The following GMDS variants were observed in gnomAD, a reference collection of about 807,000 sequenced individuals.
The protein encoded by GMDS is GDP-mannose 4,6-dehydratase.
GMDS carries 20 observed loss-of-function variants against 49.9 expected under a neutral mutation model. The observed-to-expected ratio is 0.40, with a 90% confidence interval of 0.28 to 0.58. The LOEUF is 0.58. Ranked by LOEUF, GMDS falls within the 20% of genes least tolerant of loss-of-function variation. The probability of loss-of-function intolerance (pLI) is 0.42; values close to 1 mark genes in which losing one functional copy is unlikely to be tolerated. For missense variants in GMDS, 362 were observed against 481.4 expected (o/e 0.75, Z 2.32); for synonymous variants, 177 against 178.6 (o/e 0.99, Z 0.07).
At chr6:2,157,760 G>C (rs1777180217) in intron 1 of GMDS, among the ~76,000 whole-genome samples, 5 of 152,172 alleles carry the variant, frequency 3.3e-5, no homozygotes, top group Admixed American at 3.3e-4. Flanking sequence ...TTGTGAAAGA[G>C]AGCCACAGGA....
intron 1 of GMDS, among the ~76,000 whole-genome samples, chr6:2,193,916 G>A (rs1289599352): frequency 6.6e-6 from 1 of 151,624 alleles, no homozygotes; most frequent in Non-Finnish European, 1.5e-5. Flanking sequence ...GTAGAGATGG[G>A]GTTTCACCAT....
intron 4 of GMDS, among the ~76,000 whole-genome samples, chr6:1,989,298 T>C (rs1765773428): frequency 6.6e-6 from 1 of 152,026 alleles, no homozygotes; most frequent in African/African-American, 2.4e-5. Context: ...AGCAGAGAGT[T>C]GGTAAAAAGG....
chr6:1,733,373 G>C (rs1766888663), intron 8 of GMDS, among the ~76,000 whole-genome samples: 1 of 152,244 alleles, frequency 6.6e-6, no homozygotes, highest in Non-Finnish European at 1.5e-5. Flanking sequence ...CTTGGATAGG[G>C]TGTCGGGAGC....
chr6:2,059,455 TC>T (rs1393834554), intron 4 of GMDS, among the ~76,000 whole-genome samples: 1 of 151,280 alleles, frequency 6.6e-6, no homozygotes, highest in Non-Finnish European at 1.5e-5. Context: ...ACGCCTGTAA[TC>T]CCAGCACTTT....
chr6:2,194,576 CATT>C (rs1373545749), intron 1 of GMDS, among the ~76,000 whole-genome samples: 3 of 152,150 alleles, frequency 2.0e-5, no homozygotes, highest in African/African-American at 7.2e-5. Context: ...ATTTCTTTAT[CATT>C]ATAACAAATT....
chr6:2,199,383 A>G (rs1779407150), intron 1 of GMDS, among the ~76,000 whole-genome samples: 2 of 152,232 alleles, frequency 1.3e-5, no homozygotes, highest in African/African-American at 2.4e-5. Flanking sequence ...ATAAAATACA[A>G]ATCAAATGTC....
At chr6:1,992,559 T>G (rs975712099) in intron 4 of GMDS, among the ~76,000 whole-genome samples, 2 of 152,230 alleles carry the variant, frequency 1.3e-5, no homozygotes, top group Admixed American at 6.5e-5. Flanking sequence ...GAAATCTGCA[T>G]GGCTACCACC....
intron 7 of GMDS, among the ~76,000 whole-genome samples, chr6:1,849,414 G>C (rs755534762): frequency 6.6e-6 from 1 of 152,150 alleles, no homozygotes; most frequent in Admixed American, 6.5e-5. Flanking sequence ...GAACACAGGG[G>C]AGTAGGAATG....
Position 1,726,099 on chromosome 6 carries a change from A to G in GMDS, c.987+317T>C, listed in dbSNP as rs575968518. ...AGCGTTGTTAAGTCAGGCATCCTGTAGGTTATCAGGGACCAGCCATTAGAA... is the reference window on the plus strand; with the variant it reads ...AGCGTTGTTAAGTCAGGCATCCTGTGGGTTATCAGGGACCAGCCATTAGAA... On this transcript the variant is annotated intron_variant, in intron 9 of 10. Coordinates refer to ENST00000380815, the MANE Select transcript of GMDS (RefSeq NM_001500.4). Among the ~76,000 whole-genome samples, 11 of 152,358 alleles carry G rather than the reference A, an allele frequency of 7.2e-5. No individual in the cohort carries two copies. In the South Asian group the frequency reaches 2.3e-3, roughly 32 times the overall value.
chr6:1,921,681 T>A (rs1183443639), intron 7 of GMDS, among the ~76,000 whole-genome samples: 2 of 152,228 alleles, frequency 1.3e-5, no homozygotes, highest in African/African-American at 4.8e-5. Flanking sequence ...TCTTTTCCTA[T>A]AAATAAAGCT....
intron 4 of GMDS, among the ~76,000 whole-genome samples, chr6:2,077,313 C>T (rs922703246): frequency 1.3e-5 from 2 of 152,018 alleles, no homozygotes; most frequent in African/African-American, 4.8e-5. Context: ...ATTTCCAGTG[C>T]CATGTAGAAT....
intron 9 of GMDS, among the ~76,000 whole-genome samples, chr6:1,669,998 G>A (rs1232151588): frequency 6.6e-6 from 1 of 150,398 alleles, no homozygotes; most frequent in East Asian, 2.0e-4. Context: ...GGGCTTCCTT[G>A]GGAATGCAGG....
At chr6:2,205,006 AT>A (rs763134324) in intron 1 of GMDS, among the ~76,000 whole-genome samples, 4 of 152,048 alleles carry the variant, frequency 2.6e-5, no homozygotes, top group African/African-American at 9.7e-5. Context: ...CTAATATTGA[AT>A]TTTTTTTACG....
At position 1,624,456 on chromosome 6, in the gene GMDS, C is replaced by T; in HGVS notation, c.1056+16G>A. 2 of 1,610,016 alleles carry T rather than the reference C, an allele frequency of 1.2e-6. No homozygotes were observed. Among genetic ancestry groups the T allele is most frequent in the Non-Finnish European group, 8.5e-7 (1 of 1,176,588 alleles). On this transcript the variant is annotated intron_variant, in intron 10 of 10. Coordinates refer to ENST00000380815, the MANE Select transcript of GMDS (RefSeq NM_001500.4). ...GGGCCCCGCAGCGGGCGGCGTGCGC[C>T]CTAAGAGATACTCACATCGAAAGCG...
chr6:2,100,759 T>C (rs1208395941), intron 4 of GMDS, among the ~76,000 whole-genome samples: 1 of 152,020 alleles, frequency 6.6e-6, no homozygotes, highest in Non-Finnish European at 1.5e-5. Context: ...CAAAATGTCA[T>C]GTGCTAACAT....
chr6:2,125,537 T>A (rs989437750), intron 1 of GMDS, among the ~76,000 whole-genome samples: 1 of 151,270 alleles, frequency 6.6e-6, no homozygotes, highest in African/African-American at 2.4e-5. Flanking sequence ...GAGGCTGGAG[T>A]AAGCCATGAT....
At chr6:1,727,305 G>A (rs559912535) in intron 8 of GMDS, among the ~76,000 whole-genome samples, 9 of 152,074 alleles carry the variant, frequency 5.9e-5, no homozygotes, top group Non-Finnish European at 1.2e-4. Context: ...TTACCTTCTC[G>A]CTAAAATTCT....
chr6:2,133,098 A>C (rs1202899735), intron 1 of GMDS, among the ~76,000 whole-genome samples: 1 of 152,148 alleles, frequency 6.6e-6, no homozygotes, highest in African/African-American at 2.4e-5. Context: ...TGCAGTTCTA[A>C]TCACTCGAGT....
chr6:2,136,820 C>T (rs557918819), intron 1 of GMDS, among the ~76,000 whole-genome samples: 69 of 151,372 alleles, frequency 4.6e-4, no homozygotes, highest in Non-Finnish European at 8.0e-4. Context: ...GGAGAATTGC[C>T]TGAGCCCAAG....
Sources: allele counts gnomAD v4.1 joint callset (sites outside exome capture counted in the v4.1 genomes callset), GRCh38; gene constraint gnomAD v4.1.1; transcripts MANE v1.5; gene names NCBI Gene and HGNC (gene_info 2026-07-23, HGNC 2026-07-21).